The following DLD variants were observed in gnomAD, a reference collection of about 807,000 sequenced individuals.
The protein encoded by DLD is dihydrolipoyl dehydrogenase, mitochondrial.
DLD carries 36 observed loss-of-function variants against 62.2 expected under a neutral mutation model. The observed-to-expected ratio is 0.58, with a 90% CI of 0.44 to 0.76. The LOEUF is 0.76. Among genes scored for constraint, DLD ranks in the 30% least tolerant of loss-of-function variants. The pLI is 0.00. For synonymous variants in DLD, 204 were observed against 199.6 expected (o/e 1.02, Z -0.19); for missense variants, 541 against 608.6 (o/e 0.89, Z 1.17).
chr7:107,904,536 G>A (rs1160404662), intron 5 of DLD: 3 of 368,606 alleles, frequency 8.1e-6, no homozygotes, highest in Non-Finnish European at 1.6e-5. Flanking sequence ...TTAATGTTAA[G>A]CTTCTGTATT....
chr7:107,917,107 C>A (rs1473698598), intron 10 of DLD, 143 bp downstream of exon 10: 1 of 1,194,740 alleles, frequency 8.4e-7, no homozygotes, highest in Non-Finnish European at 1.2e-6. Context: ...TAAAAAATAA[C>A]TGAATTTTAC....
chr7:107,912,788 A>G (rs1187747935), intron 8 of DLD, among the ~76,000 whole-genome samples: 1 of 151,906 alleles, frequency 6.6e-6, no homozygotes, highest in Non-Finnish European at 1.5e-5. Flanking sequence ...GCTGTGCAAA[A>G]GTTTTTTAAC....
intron 8 of DLD, among the ~76,000 whole-genome samples, chr7:107,914,971 G>C (rs2032230881): frequency 6.6e-6 from 1 of 152,110 alleles, no homozygotes. Flanking sequence ...TTTTCCTCAA[G>C]ACTTTTGTAC....
In DLD at chr7:107,915,556, A is replaced by G. The variant is rs754865063; in HGVS notation, c.735A>G (p.Leu245=). 1.2e-6 allele frequency: 2 copies of G among 1,613,920 alleles called. No individual in the cohort carries two copies. Among genetic ancestry groups the G allele is most frequent in the East Asian group, 4.5e-5 (2 of 44,822 alleles). ...CAGATGTGACAGCAGTTGAATTTTT[A>G]GGTCATGTAGGTGGAGTTGGAATTG... The part of the protein sequence containing the change: ...LGADVTAVEF[L]GHVGGVGIDM... Residue 245 remains leucine (L), a synonymous_variant, in exon 9 of 14, where the codon TTA becomes TTG. Coordinates refer to ENST00000205402, the MANE Select transcript of DLD (RefSeq NM_000108.5).
rs753531494 is a variant in DLD, at chr7:107,919,270, T to A, written c.*11T>A. ...TCAATCAACTTTTGAATTAGAAGAT[T>A]ATATATATTTTTTTCTGAAATTTCC... On this transcript the variant is annotated 3_prime_UTR_variant, in exon 14 of 14. Coordinates refer to ENST00000205402, the MANE Select transcript of DLD (RefSeq NM_000108.5). 2 of 1,449,348 alleles carry A rather than the reference T, an allele frequency of 1.4e-6. No homozygotes were observed. The highest frequency in any genetic ancestry group is 1.9e-6 in the Non-Finnish European group (2 of 1,049,718). 89.8% of individuals were successfully genotyped at this position (1,449,348 alleles called of 1,614,324 possible).
At chr7:107,915,225 A>C (rs1324482110) in intron 8 of DLD, among the ~76,000 whole-genome samples, 2 of 152,202 alleles carry the variant, frequency 1.3e-5, no homozygotes, top group African/African-American at 4.8e-5. Flanking sequence ...AGAATATAAG[A>C]TCCCTGAGAA....
chr7:107,914,374 G>A (rs1010727060), intron 8 of DLD, among the ~76,000 whole-genome samples: 4 of 151,854 alleles, frequency 2.6e-5, no homozygotes, highest in African/African-American at 9.7e-5. Flanking sequence ...TTCTAATTTT[G>A]ACAAAGTCCA....
chr7:107,891,418 C>A, intron 1 of DLD, 129 bp downstream of exon 1: 2 of 1,013,970 alleles, frequency 2.0e-6, no homozygotes, highest in Middle Eastern at 2.5e-4. Flanking sequence ...CCCCTGGCCC[C>A]GCCTCTGCAC....
chr7:107,893,809 A>G (rs2031650676), intron 2 of DLD, among the ~76,000 whole-genome samples: 1 of 152,198 alleles, frequency 6.6e-6, no homozygotes, highest in Non-Finnish European at 1.5e-5. Flanking sequence ...CAGATCATGG[A>G]GTGCCTTGTA....
chr7:107,906,231 A>C, intron 7 of DLD, 36 bp from the exon 8 acceptor site: 1 of 1,403,844 alleles, frequency 7.1e-7, no homozygotes, highest in South Asian at 1.2e-5. Flanking sequence ...AGGTTTTTTC[A>C]AATTATTTTG....
chr7:107,893,204 G>A lies in DLD; in HGVS notation c.44G>A (p.Gly15Asp), dbSNP rs145916117. 35 of 1,612,900 alleles carry A rather than the reference G, an allele frequency of 2.2e-5. No homozygotes were observed. The African/African-American group carries it at 4.3e-4, about 20-fold the overall frequency. The change falls in exon 2 of 14, where the codon GGC (glycine) becomes GAC (aspartate). Residue 15 changes from glycine (G) to aspartate (D), a missense_variant. Gly to Asp is a moderately conservative substitution (Grantham distance 94). Coordinates refer to ENST00000205402, the MANE Select transcript of DLD (RefSeq NM_000108.5). Reference sequence around the variant, plus strand: ...AGGGACATTTTCTTTTTCTAGAGAGGCCATTTCAATCGAATATCTCATGGC... The same window carrying A: ...AGGGACATTTTCTTTTTCTAGAGAGACCATTTCAATCGAATATCTCATGGC... The part of the protein sequence containing the change: ...SRVYCSLAKR[G>D]HFNRISHGLQ...
intron 12 of DLD, 98 bp from the exon 13 acceptor site, chr7:107,918,912 C>T (rs1406266003): frequency 6.3e-6 from 6 of 946,888 alleles, no homozygotes; most frequent in Admixed American, 1.8e-5. Flanking sequence ...AGATTTAAGG[C>T]GTTTTTAAGA....
intron 11 of DLD, 48 bp downstream of exon 11, chr7:107,917,510 A>G (rs371553700): frequency 6.4e-6 from 10 of 1,558,352 alleles, no homozygotes; most frequent in South Asian, 4.5e-5. Flanking sequence ...AGTTGTGCCA[A>G]TGACATTGGT....
rs1029895784 is a variant in DLD at position 107,919,511 on chromosome 7, G to A, written c.*252G>A. ...TATTGTAGCATCCTGGAATATCTCC[G>A]TCAACTCATATTTTCATGCTGTTCA... On this transcript the variant is annotated 3_prime_UTR_variant, in exon 14 of 14. Coordinates refer to ENST00000205402, the MANE Select transcript of DLD (RefSeq NM_000108.5). 1.4e-4 allele frequency: 51 copies of A among 354,500 alleles called. 1 individual carries two copies. The highest frequency in any genetic ancestry group is 8.0e-4 in the African/African-American group (38 of 47,422). 22.0% of individuals were successfully genotyped at this position (354,500 alleles called of 1,614,324 possible).
At chr7:107,909,734 G>C (rs1037332151) in intron 8 of DLD, among the ~76,000 whole-genome samples, 1 of 151,458 alleles carries the variant, frequency 6.6e-6, no homozygotes, top group Admixed American at 6.6e-5. Flanking sequence ...AGGCATATTT[G>C]CCTGTCTGCC....
Position 107,919,017 on chromosome 7 carries a change from G to A in DLD, c.1382G>A (p.Gly461Glu), listed in dbSNP as rs757275923. Reference sequence around the variant, plus strand: ...TGGCTTGTTATTTTAAAGGGTGCTGGAGAAATGGTAAATGAAGCTGCTCTT... The same window carrying A: ...TGGCTTGTTATTTTAAAGGGTGCTGAAGAAATGGTAAATGAAGCTGCTCTT... ...LGAHILGPGA[G>E]EMVNEAALAL... Residue 461 changes from glycine to glutamate, a missense_variant, in exon 13 of 14, where the codon GGA becomes GAA. Coordinates refer to ENST00000205402, the MANE Select transcript of DLD (RefSeq NM_000108.5). 41 of 1,613,726 alleles carry A rather than the reference G, an allele frequency of 2.5e-5. No homozygotes were observed. The Middle Eastern group carries it at 4.9e-4, about 19-fold the overall frequency.
intron 8 of DLD, among the ~76,000 whole-genome samples, chr7:107,912,912 C>G (rs1272435773): frequency 6.6e-6 from 1 of 152,032 alleles, no homozygotes; most frequent in African/African-American, 2.4e-5. Flanking sequence ...TGTTTTCTTA[C>G]AGTAATTTCA....
intron 2 of DLD, among the ~76,000 whole-genome samples, chr7:107,899,154 G>T (rs1209037798): frequency 6.6e-6 from 1 of 151,940 alleles, no homozygotes; most frequent in African/African-American, 2.4e-5. Flanking sequence ...CAGTGCAGAC[G>T]TGTGTATACT....
chr7:107,914,684 T>C, intron 8 of DLD, among the ~76,000 whole-genome samples: 1 of 152,198 alleles, frequency 6.6e-6, no homozygotes, highest in East Asian at 1.9e-4. Flanking sequence ...ATAGTTCATT[T>C]GAATTACCAG....
Sources: allele counts gnomAD v4.1 joint callset (sites outside exome capture counted in the v4.1 genomes callset), GRCh38; gene constraint gnomAD v4.1.1; transcripts MANE v1.5; gene names NCBI Gene and HGNC (gene_info 2026-07-23, HGNC 2026-07-21).